The following NFXL1 variants were observed in gnomAD, a reference collection of about 807,000 sequenced individuals.
The protein encoded by NFXL1 is NF-X1-type zinc finger protein NFXL1.
Under a neutral mutation model 123.3 loss-of-function variants are expected in NFXL1, and 66 were observed. The ratio of observed to expected loss-of-function variants is 0.54; its 90% CI spans 0.44 to 0.66. NFXL1 has a LOEUF of 0.66. NFXL1 is among the 30% of genes least tolerant of loss of function. The probability of loss-of-function intolerance (pLI) is 0.00; values close to 1 mark genes in which losing one functional copy is unlikely to be tolerated. For missense variants in NFXL1, 944 were observed against 1,125.6 expected (o/e 0.84, Z 2.31); for synonymous variants, 346 against 360.8 (o/e 0.96, Z 0.46).
At chr4:47,912,804 TA>T (rs780917287) in intron 2 of NFXL1, among the ~76,000 whole-genome samples, 48 of 131,576 alleles carry the variant, frequency 3.6e-4, no homozygotes, top group Non-Finnish European at 7.4e-4. Flanking sequence ...CCATCCTGGC[TA>T]ACACGGTGAA....
chr4:47,852,054 C>G, intron 20 of NFXL1, 112 bp from the exon 21 acceptor site: 1 of 612,326 alleles, frequency 1.6e-6, no homozygotes, highest in Admixed American at 2.8e-5. Context: ...TATTTGATGT[C>G]TTAATATTTA....
chr4:47,868,044 A>C (rs567395737), intron 18 of NFXL1, among the ~76,000 whole-genome samples: 14 of 152,314 alleles, frequency 9.2e-5, no homozygotes, highest in African/African-American at 3.1e-4. Context: ...GGCTGGGCGC[A>C]GTGGCTCACG....
At chr4:47,890,446 AAT>A (rs1454085671) in intron 12 of NFXL1, among the ~76,000 whole-genome samples, 165 bp downstream of exon 12, 1 of 152,168 alleles carries the variant, frequency 6.6e-6, no homozygotes, top group Non-Finnish European at 1.5e-5. Flanking sequence ...TTGCCTATAA[AAT>A]AGAGACACTG....
intron 3 of NFXL1, among the ~76,000 whole-genome samples, chr4:47,909,642 A>G (rs976649148): frequency 2.0e-5 from 3 of 151,806 alleles, no homozygotes; most frequent in Non-Finnish European, 2.9e-5. Flanking sequence ...ATTACATGCA[A>G]AAATATTTCT....
At chr4:47,888,225 G>A (rs1736561849) in intron 12 of NFXL1, among the ~76,000 whole-genome samples, 1 of 152,288 alleles carries the variant, frequency 6.6e-6, no homozygotes. Context: ...AGTGAGCCGG[G>A]ATTGCGCCAC....
chr4:47,863,137 G>C (rs553042169), intron 18 of NFXL1, among the ~76,000 whole-genome samples: 1 of 152,254 alleles, frequency 6.6e-6, no homozygotes, highest in East Asian at 1.9e-4. Context: ...AATGCCAAAA[G>C]TGTAATCGCT....
intron 18 of NFXL1, 136 bp from the exon 19 acceptor site, chr4:47,863,051 T>C: frequency 1.6e-6 from 1 of 614,384 alleles, no homozygotes; most frequent in Non-Finnish European, 2.9e-6. Context: ...TATTTCTCTA[T>C]CTGTAACAAT....
chr4:47,912,438 C>T (rs564173003), intron 2 of NFXL1, among the ~76,000 whole-genome samples: 4 of 148,976 alleles, frequency 2.7e-5, no homozygotes, highest in Admixed American at 2.0e-4. Flanking sequence ...GTAGAGAATG[C>T]TTGTTTTCTT....
rs1457961742 is a variant in NFXL1 at position 47,851,734 on chromosome 4, C to G, written c.2508+122G>C. ...TGCCATTCAAAATAAGCCTATAAAA[C>G]TAGGCTTTTATTATAAAAGCAAAAA... is the stretch of plus-strand genomic sequence containing the variant. On this transcript the variant is annotated intron_variant, in intron 21 of 22. Transcript: ENST00000507489. 8.1e-6 allele frequency: 5 copies of G among 620,858 alleles called. No homozygotes were observed. In the Admixed American group the frequency reaches 1.5e-4, roughly 19 times the overall value. The allele number at this position is 620,858 out of a possible 1,614,324, so 38.5% of individuals were successfully genotyped here. A position where few individuals can be genotyped will look rare whatever the true frequency, so the allele number is the denominator to read the frequency against.
chr4:47,913,847 A>G, intron 2 of NFXL1, 122 bp downstream of exon 2: 1 of 639,038 alleles, frequency 1.6e-6, no homozygotes, highest in South Asian at 2.5e-5. Context: ...AGTGGGCCCG[A>G]TAACAAACTC....
intron 15 of NFXL1, among the ~76,000 whole-genome samples, chr4:47,881,461 T>C (rs1231898063): frequency 1.3e-5 from 2 of 152,180 alleles, no homozygotes; most frequent in Non-Finnish European, 2.9e-5. Flanking sequence ...TTTAGTAAAC[T>C]GTTTGACAGC....
chr4:47,890,583 C>T (rs1560597404), intron 12 of NFXL1, 30 bp downstream of exon 12: 1 of 1,211,748 alleles, frequency 8.3e-7, no homozygotes, highest in South Asian at 1.3e-5. Flanking sequence ...TCACTACAAA[C>T]ATAAAATCAT....
chr4:47,913,769 A>G (rs1737961510), intron 2 of NFXL1, among the ~76,000 whole-genome samples, 200 bp downstream of exon 2: 1 of 152,202 alleles, frequency 6.6e-6, no homozygotes, highest in Non-Finnish European at 1.5e-5. Flanking sequence ...CCTAAAATTA[A>G]GATGAAAGAG....
In NFXL1 at chr4:47,862,984, C is replaced by T. The variant is rs537246820; in HGVS notation, c.2247-69G>A. ...TATAGCATAATTTTTCTAAAAATAA[C>T]TCATAATTTCAAACATATCCATAAA... On this transcript the variant is annotated intron_variant, in intron 18 of 22. Transcript: ENST00000507489. 1.9e-4 allele frequency: 152 copies of T among 810,194 alleles called. 2 individuals carry two copies. The South Asian group carries it at 2.3e-3, about 12-fold the overall frequency. The allele number at this position is 810,194 out of a possible 1,614,324, so 50.2% of individuals were successfully genotyped here. A position where few individuals can be genotyped will look rare whatever the true frequency, so the allele number is the denominator to read the frequency against.
At chr4:47,888,064 A>C (rs568171928) in intron 12 of NFXL1, among the ~76,000 whole-genome samples, 1 of 152,326 alleles carries the variant, frequency 6.6e-6, no homozygotes, top group East Asian at 1.9e-4. Context: ...TCACGAGGTC[A>C]GGAGATCGAG....
intron 18 of NFXL1, 105 bp downstream of exon 18, chr4:47,875,022 G>T: frequency 3.4e-6 from 2 of 588,798 alleles, no homozygotes; most frequent in Admixed American, 6.6e-5. Flanking sequence ...GAAAATCTAG[G>T]CATCTAGAGT....
At chr4:47,878,784 G>T in intron 16 of NFXL1, 119 bp from the exon 17 acceptor site, 1 of 668,094 alleles carries the variant, frequency 1.5e-6, no homozygotes, top group Non-Finnish European at 2.4e-6. Flanking sequence ...GTATAAGTTT[G>T]CACGAATAAT....
chr4:47,864,716 T>C (rs1006888901), intron 18 of NFXL1, among the ~76,000 whole-genome samples: 5 of 152,222 alleles, frequency 3.3e-5, no homozygotes, highest in Non-Finnish European at 7.3e-5. Context: ...CAGAGGTTCC[T>C]GGAGGGTGGC....
chr4:47,884,204 A>G lies in NFXL1; in HGVS notation c.1916+142T>C, dbSNP rs1305992423. The G allele has an allele frequency of 9.7e-6, 5 of 516,514 alleles. No individual in the cohort carries two copies. In the Admixed American group the frequency reaches 1.7e-4, roughly 17 times the overall value. The allele number at this position is 516,514 out of a possible 1,614,324, so 32.0% of individuals were successfully genotyped here. A position where few individuals can be genotyped will look rare whatever the true frequency, so the allele number is the denominator to read the frequency against. On this transcript the variant is annotated intron_variant, in intron 15 of 22. Coordinates refer to ENST00000507489, the MANE Select transcript of NFXL1 (RefSeq NM_001278624.2). Reference sequence around the variant, plus strand: ...AACATGTTTGAAAAGAATGAAGGTTAAGACAGACACACTAGTTGATAGGCT... The same window carrying G: ...AACATGTTTGAAAAGAATGAAGGTTGAGACAGACACACTAGTTGATAGGCT...
Sources: gnomAD v4.1 joint callset for allele counts (sites outside exome capture counted in the v4.1 genomes callset) on GRCh38, gnomAD v4.1.1 for gene constraint, MANE v1.5 for transcripts, NCBI Gene and HGNC (gene_info 2026-07-23, HGNC 2026-07-21) for gene names.